Variants in MEIKIN observed in about 807,000 individuals in gnomAD.
MEIKIN encodes the protein meiotic kinetochore factor.
chr5:131,888,339 G>C (rs1750839981), intron 8 of MEIKIN, among the ~76,000 whole-genome samples: 1 of 141,584 alleles, frequency 7.1e-6, no homozygotes, highest in South Asian at 2.3e-4. Context: ...GTGTAAAAGT[G>C]TTCCTATTTC....
intron 8 of MEIKIN, among the ~76,000 whole-genome samples, chr5:131,896,049 TG>T (rs1448968323): frequency 3.1e-4 from 47 of 152,222 alleles, no homozygotes; most frequent in African/African-American, 1.1e-3. Context: ...CTCTACATAC[TG>T]CTTTAGCTTT....
intron 11 of MEIKIN, among the ~76,000 whole-genome samples, chr5:131,830,210 T>C (rs1189483363): frequency 6.6e-6 from 1 of 151,960 alleles, no homozygotes; most frequent in Non-Finnish European, 1.5e-5. Context: ...GGCAATGTGG[T>C]GAAACCCCAT....
Position 131,877,917 on chromosome 5 carries a change from C to T in MEIKIN, c.774+1061G>A, listed in dbSNP as rs559874508. Among the ~76,000 whole-genome samples the T allele has an allele frequency of 9.2e-5, 14 of 152,294 alleles. No homozygotes were observed. In the South Asian group the frequency reaches 2.3e-3, roughly 25 times the overall value. Reference sequence around the variant, plus strand: ...ACCATTCTGAGTAGCATGATGAAATCGTGTGCCATCCCCCTCAGTCCAGTC... The same window carrying T: ...ACCATTCTGAGTAGCATGATGAAATTGTGTGCCATCCCCCTCAGTCCAGTC... On this transcript the variant is annotated intron_variant, in intron 9 of 12. Transcript: ENST00000442687.
intron 8 of MEIKIN, among the ~76,000 whole-genome samples, chr5:131,905,627 A>C (rs187730897): frequency 2.3e-4 from 35 of 152,266 alleles, no homozygotes; most frequent in African/African-American, 7.5e-4. Flanking sequence ...GAAATACAAA[A>C]AACTCTCAGA....
intron 8 of MEIKIN, among the ~76,000 whole-genome samples, chr5:131,880,097 AT>A (rs1304643523): frequency 4.1e-5 from 6 of 146,410 alleles, no homozygotes; most frequent in African/African-American, 1.3e-4. Context: ...TATATATACA[AT>A]TTTTTTTGAG....
intron 5 of MEIKIN, among the ~76,000 whole-genome samples, chr5:131,924,731 T>C (rs1751561994): frequency 6.6e-6 from 1 of 152,234 alleles, no homozygotes; most frequent in Non-Finnish European, 1.5e-5. Context: ...TTTAATTATT[T>C]ACTCCTTTAT....
intron 5 of MEIKIN, among the ~76,000 whole-genome samples, chr5:131,932,970 C>CT (rs1356889745): frequency 3.9e-5 from 6 of 152,170 alleles, no homozygotes; most frequent in Middle Eastern, 3.4e-3. Flanking sequence ...TTTGTACTTT[C>CT]TTTTTTTCAA....
At chr5:131,903,082 G>A (rs1357311028) in intron 8 of MEIKIN, among the ~76,000 whole-genome samples, 1 of 151,786 alleles carries the variant, frequency 6.6e-6, no homozygotes, top group African/African-American at 2.4e-5. Flanking sequence ...ATGTACAAAA[G>A]AACTCAGATA....
chr5:131,858,089 C>T (rs1030424764), intron 9 of MEIKIN, among the ~76,000 whole-genome samples: 1 of 152,200 alleles, frequency 6.6e-6, no homozygotes, highest in Non-Finnish European at 1.5e-5. Flanking sequence ...AACACCGGGC[C>T]CCTCCAGTGC....
At chr5:131,888,739 C>T (rs1454437265) in intron 8 of MEIKIN, among the ~76,000 whole-genome samples, 17 of 152,262 alleles carry the variant, frequency 1.1e-4, no homozygotes, top group East Asian at 1.9e-4. Context: ...TCAATTTTGG[C>T]GTTTGTTGCC....
intron 11 of MEIKIN, among the ~76,000 whole-genome samples, chr5:131,825,467 G>C (rs746681213): frequency 6.6e-6 from 1 of 152,196 alleles, no homozygotes; most frequent in Admixed American, 6.5e-5. Flanking sequence ...TTGTCCTCCA[G>C]TGGAGTCACA....
intron 11 of MEIKIN, among the ~76,000 whole-genome samples, chr5:131,819,598 CTTTT>C (rs34041769): frequency 1.5e-5 from 2 of 130,654 alleles, no homozygotes; most frequent in Admixed American, 7.8e-5. Flanking sequence ...TAGAAACTTC[CTTTT>C]TTTTTTTTTT....
intron 7 of MEIKIN, among the ~76,000 whole-genome samples, chr5:131,916,373 T>G (rs538227215): frequency 6.6e-6 from 1 of 152,352 alleles, no homozygotes; most frequent in Admixed American, 6.5e-5. Context: ...CGCTACTCTC[T>G]TCTCACTCTA....
At chr5:131,873,532 T>C (rs900820479) in intron 9 of MEIKIN, among the ~76,000 whole-genome samples, 1 of 152,096 alleles carries the variant, frequency 6.6e-6, no homozygotes, top group Non-Finnish European at 1.5e-5. Context: ...AGACTTAGAC[T>C]CCCACACAAT....
At chr5:131,810,379 T>C (rs545082598) in intron 12 of MEIKIN, among the ~76,000 whole-genome samples, 31 of 152,314 alleles carry the variant, frequency 2.0e-4, no homozygotes, top group Admixed American at 1.0e-3. Context: ...TTTTGTCTGA[T>C]TAGCCAAAAG....
chr5:131,878,287 G>A (rs996434280), intron 9 of MEIKIN, among the ~76,000 whole-genome samples: 3 of 152,148 alleles, frequency 2.0e-5, no homozygotes, highest in African/African-American at 7.2e-5. Flanking sequence ...GTATTGGTTG[G>A]CTGGGCGCGG....
chr5:131,939,460 C>A (rs540140104), intron 4 of MEIKIN, among the ~76,000 whole-genome samples: 24 of 151,566 alleles, frequency 1.6e-4, no homozygotes, highest in African/African-American at 5.3e-4. Flanking sequence ...CTGTTGTTAG[C>A]TGAGGTCTCT....
intron 11 of MEIKIN, among the ~76,000 whole-genome samples, chr5:131,847,555 G>C (rs569308007): frequency 1.3e-5 from 2 of 152,106 alleles, no homozygotes; most frequent in African/African-American, 4.8e-5. Flanking sequence ...AAAACTGACA[G>C]AACTGAAGGG....
intron 5 of MEIKIN, among the ~76,000 whole-genome samples, chr5:131,926,104 T>C (rs1436227464): frequency 6.6e-6 from 1 of 152,230 alleles, no homozygotes; most frequent in East Asian, 1.9e-4. Context: ...AATAAAAGTA[T>C]TCAGCATACT....
Sources: allele counts gnomAD v4.1 joint callset (sites outside exome capture counted in the v4.1 genomes callset), GRCh38; gene constraint gnomAD v4.1.1; transcripts MANE v1.5; gene names NCBI Gene and HGNC (gene_info 2026-07-23, HGNC 2026-07-21).